Variants in FAS observed in about 807,000 individuals in gnomAD.
The protein encoded by FAS is Fas cell surface death receptor.
FAS carries 5 observed loss-of-function variants against 33.2 expected under a neutral mutation model. The observed-to-expected ratio is 0.15, with a 90% CI of 0.08 to 0.32. FAS has a LOEUF of 0.32. Ranked by LOEUF, FAS falls within the 10% of genes least tolerant of loss-of-function variation. The pLI, the probability that FAS is intolerant of heterozygous loss-of-function variation, is 1.00. For missense variants in FAS, 339 were observed against 386.0 expected, an observed-to-expected ratio of 0.88 and a Z score of 1.02; for synonymous variants, 131 against 130.7, an observed-to-expected ratio of 1.00 and a Z score of -0.01.
Position 89,007,726 on chromosome 10 carries a change from G to A in FAS, c.223G>A (p.Val75Ile), listed in dbSNP as rs2133502478. 3.1e-6 allele frequency: 5 copies of A among 1,613,980 alleles called. No individual in the cohort carries two copies. The highest frequency in any genetic ancestry group is 1.1e-5 in the South Asian group (1 of 91,078). Residue 75 changes from valine (V) to isoleucine (I), a missense_variant, in exon 3 of 9, where the codon GTC (valine) becomes ATC (isoleucine). Val to Ile is a conservative substitution (Grantham distance 29, BLOSUM62 3). This residue lies in a region of FAS where 276 missense variants were observed against 300.1 expected (regional missense o/e 0.92). Coordinates refer to ENST00000652046, the MANE Select transcript of FAS (RefSeq NM_000043.6). ...TGAAAGGAAAGCTAGGGACTGCACA[G>A]TCAATGGGGATGAACCAGACTGCGT... is the stretch of plus-strand genomic sequence containing the variant. ...PGERKARDCT[V>I]NGDEPDCVPC... is the part of the protein sequence containing the mutation.
chr10:88,989,679 G>A (rs1449659581), upstream of FAS: 12 of 443,104 alleles, frequency 2.7e-5, no homozygotes, highest in Non-Finnish European at 3.1e-5. Context: ...AGAAGAAAAT[G>A]TCAACTGAGA....
At position 88,990,954 on chromosome 10, in the gene FAS, G is replaced by T. The variant is rs1589439843; in HGVS notation, c.30+48G>T. On this transcript the variant is annotated intron_variant, in intron 1 of 8. Transcript: ENST00000652046. This position sits in a 1 kb window ranked among gnomAD's most constrained non-coding sequence, Gnocchi z 4.9. ...GGAGGCTTACCCCGTCTTAGTCCCG[G>T]GGATAGGCAAAGTGGGGCGGGCGCG... 14 of 1,613,774 alleles carry T rather than the reference G, an allele frequency of 8.7e-6. No homozygotes were observed. In the East Asian group the frequency reaches 3.1e-4, roughly 36 times the overall value.
intron 2 of FAS, among the ~76,000 whole-genome samples, chr10:88,980,366 C>T (rs1846681614): frequency 2.0e-5 from 3 of 152,154 alleles, no homozygotes; most frequent in Admixed American, 1.3e-4. Context: ...CATCAGGACG[C>T]TGAACATAAC....
intron 1 of FAS, among the ~76,000 whole-genome samples, chr10:88,965,343 A>G (rs919358850): frequency 1.3e-5 from 2 of 152,180 alleles, no homozygotes; most frequent in Non-Finnish European, 2.9e-5. Flanking sequence ...CCCAAACCTT[A>G]AAAGAGCTGT....
chr10:88,982,464 T>C (rs932178333), upstream of FAS, among the ~76,000 whole-genome samples: 2 of 151,910 alleles, frequency 1.3e-5, no homozygotes, highest in Admixed American at 6.6e-5. Flanking sequence ...AAGACATAAA[T>C]GGCAGAATAT....
chr10:88,990,686 G>C (rs1479793295), upstream of FAS: 1 of 714,792 alleles, frequency 1.4e-6, no homozygotes, highest in South Asian at 1.5e-5. The surrounding 1 kb of genome is among the most constrained non-coding windows in gnomAD (Gnocchi z 4.9). Flanking sequence ...GTTCAAAGAC[G>C]CTTCTGGGGA....
chr10:89,009,115 C>G (rs1418246116), intron 4 of FAS, 118 bp downstream of exon 4: 1 of 968,870 alleles, frequency 1.0e-6, no homozygotes, highest in African/African-American at 1.6e-5. Context: ...GCTTTGCCTC[C>G]AAGCAACTAG....
chr10:89,011,534 G>T (rs892332759), intron 6 of FAS, among the ~76,000 whole-genome samples: 1 of 152,188 alleles, frequency 6.6e-6, no homozygotes, highest in African/African-American at 2.4e-5. Context: ...CTGTAATTGT[G>T]CTCAGAGACA....
chr10:89,003,724 A>G (rs535438448), intron 2 of FAS, among the ~76,000 whole-genome samples: 3 of 152,330 alleles, frequency 2.0e-5, no homozygotes, highest in Non-Finnish European at 4.4e-5. Flanking sequence ...TTTTAAATCA[A>G]TACTTTGAAG....
chr10:88,991,221 G>A (rs887949957), intron 1 of FAS: 21 of 540,752 alleles, frequency 3.9e-5, no homozygotes, highest in African/African-American at 3.4e-4. Context: ...AGGTGGGCGT[G>A]GGGTGCGGAC....
chr10:88,970,654 T>C (rs1351267293), intron 1 of FAS, among the ~76,000 whole-genome samples: 1 of 152,032 alleles, frequency 6.6e-6, no homozygotes, highest in Non-Finnish European at 1.5e-5. Context: ...AGAATGATGG[T>C]TGGGAATTGA....
upstream of FAS, among the ~76,000 whole-genome samples, chr10:88,985,961 A>G: frequency 6.6e-6 from 1 of 152,116 alleles, no homozygotes; most frequent in East Asian, 1.9e-4. Context: ...TGGCATATTT[A>G]TTTTTATGGA....
rs12775501 is a variant in FAS, at chr10:88,991,152, C to T, written c.30+246C>T. ...CTTGGGCCTTGATGCGAAGTGCTGA[C>T]CCCGCTGGGCAGGCGGGGCAGCTCC... On this transcript the variant is annotated intron_variant, in intron 1 of 8. Coordinates refer to ENST00000652046, the MANE Select transcript of FAS (RefSeq NM_000043.6). 222,614 of 602,490 alleles carry T rather than the reference C, an allele frequency of 0.37. 42,817 individuals are homozygous for T. The highest frequency in any genetic ancestry group is 0.5 in the East Asian group (18,086 of 36,032). The allele number at this position is 602,490 out of a possible 1,614,324, so 37.3% of individuals were successfully genotyped here.
chr10:88,975,556 T>A (rs1364802312), intron 2 of FAS, among the ~76,000 whole-genome samples: 1 of 152,074 alleles, frequency 6.6e-6, no homozygotes, highest in Non-Finnish European at 1.5e-5. Flanking sequence ...AAGGGAACTA[T>A]CAGCAAATAA....
At chr10:88,979,781 ACT>A (rs1332905264) in intron 2 of FAS, among the ~76,000 whole-genome samples, 8 of 152,118 alleles carry the variant, frequency 5.3e-5, no homozygotes, top group Non-Finnish European at 1.0e-4. Context: ...TTTAGTCCTG[ACT>A]CTCTAATCAA....
At chr10:89,006,022 T>C in intron 2 of FAS, among the ~76,000 whole-genome samples, 1 of 152,248 alleles carries the variant, frequency 6.6e-6, no homozygotes, top group East Asian at 1.9e-4. Context: ...AAAAAAAGTA[T>C]TTTAAAATCT....
At chr10:88,997,261 T>C (rs1392872951) in intron 1 of FAS, among the ~76,000 whole-genome samples, 1 of 152,242 alleles carries the variant, frequency 6.6e-6, no homozygotes, top group East Asian at 1.9e-4. Flanking sequence ...CACTTTTTAT[T>C]AAATAATGCA....
At chr10:88,987,399 C>T (rs2133367714), upstream of FAS, among the ~76,000 whole-genome samples, 1 of 152,254 alleles carries the variant, frequency 6.6e-6, no homozygotes, top group East Asian at 1.9e-4. Flanking sequence ...TTGGGTGGTC[C>T]AGGGTTCAAT....
chr10:89,008,897 G>A lies in FAS; in HGVS notation c.343G>A (p.Val115Met). ...RLCDEGHGLE[V>M]EINCTRTQNT... ...CCAAACTGATTTTCTAGGCTTAGAAGTGGAAATAAACTGCACCCGGACCCA... is the reference window on the plus strand; with the variant it reads ...CCAAACTGATTTTCTAGGCTTAGAAATGGAAATAAACTGCACCCGGACCCA... The change falls in exon 4 of 9, where the codon GTG becomes ATG. Residue 115 changes from valine to methionine, a missense_variant. Physicochemically the swap from Val to Met is conservative, Grantham distance 21. Coordinates refer to ENST00000652046, the MANE Select transcript of FAS (RefSeq NM_000043.6). 6.2e-7 allele frequency: 1 copy of A among 1,613,928 alleles called. No homozygotes were observed. Among genetic ancestry groups the A allele is most frequent in the Non-Finnish European group, 8.5e-7 (1 of 1,179,828 alleles).
Sources: allele counts gnomAD v4.1 joint callset (sites outside exome capture counted in the v4.1 genomes callset), GRCh38; gene constraint gnomAD v4.1.1; regional missense constraint gnomAD v4.1.1; non-coding constraint Gnocchi (gnomAD v3.1); transcripts MANE v1.5; gene names NCBI Gene and HGNC (gene_info 2026-07-23, HGNC 2026-07-21).